TTYH1: variants seen among roughly 807,000 people sequenced by gnomAD.
TTYH1 encodes the protein tweety family member 1.
In TTYH1, 33 loss-of-function variants were observed where a neutral mutation model predicts 61.2. That is an observed-to-expected ratio of 0.54 (90% CI 0.41 to 0.72). The LOEUF (loss-of-function observed/expected upper bound fraction) is 0.72. Among genes scored for constraint, TTYH1 ranks in the 30% least tolerant of loss-of-function variants. The pLI is 0.00. For missense variants in TTYH1, 538 were observed against 575.8 expected (o/e 0.93, Z 0.67); for synonymous variants, 308 against 266.4 (o/e 1.16, Z -1.52).
At chr19:54,431,014 G>GT in intron 9 of TTYH1, 85 bp from the exon 10 acceptor site, 1 of 1,420,696 alleles carries the variant, frequency 7.0e-7, no homozygotes, top group South Asian at 1.2e-5. Context: ...GGGGCCTTGG[G>GT]TTGTGGGCGG....
Position 54,415,627 on chromosome 19 carries a change from G to T in TTYH1, c.75G>T (p.Gln25His), listed in dbSNP as rs1467563541. Reference sequence around the variant, plus strand: ...ACCAGCTGCCCCGCGCCGACTTCCAGCTCCGCCCGGTGCCCAGCGTTTTCG... The same window carrying T: ...ACCAGCTGCCCCGCGCCGACTTCCATCTCCGCCCGGTGCCCAGCGTTTTCG... The part of the protein sequence containing the change: ...LLHQLPRADF[Q>H]LRPVPSVFAP... Residue 25 changes from glutamine to histidine, a missense_variant, in exon 1 of 14, where the codon CAG becomes CAT. By Grantham distance (24) the Gln-to-His change is conservative. This residue lies in a region of TTYH1 where 157 missense variants were observed against 157.0 expected (regional missense o/e 1.00). Coordinates refer to ENST00000376530, the MANE Select transcript of TTYH1 (RefSeq NM_020659.4). The surrounding 1 kb of genome is among the most constrained non-coding windows in gnomAD (Gnocchi z 5.2). 11 of 1,566,364 alleles carry T rather than the reference G, an allele frequency of 7.0e-6. No individual in the cohort carries two copies. The highest frequency in any genetic ancestry group is 9.5e-6 in the Non-Finnish European group (11 of 1,163,688).
In TTYH1 at chr19:54,419,375, G is replaced by C. The variant is rs547324487; in HGVS notation, c.305+69G>C. 1.5e-5 allele frequency: 22 copies of C among 1,486,940 alleles called. No homozygotes were observed. Among genetic ancestry groups the C allele is most frequent in the South Asian group, 7.1e-5 (6 of 85,076 alleles). 92.1% of individuals were successfully genotyped at this position (1,486,940 alleles called of 1,614,324 possible). A position where few individuals can be genotyped will look rare whatever the true frequency, so the allele number is the denominator to read the frequency against. On this transcript the variant is annotated intron_variant, in intron 2 of 13. Coordinates refer to ENST00000376530, the MANE Select transcript of TTYH1 (RefSeq NM_020659.4). This position sits in a 1 kb window ranked among gnomAD's most constrained non-coding sequence, Gnocchi z 6.1. ...CCAAGCTCTTTGCTGGCCTTCCTGG[G>C]GGTGTCCTCCGGGGACATGGAGGAA...
rs369258936 is a variant in TTYH1, at chr19:54,431,079, G to T, written c.1033-20G>T. The T allele has an allele frequency of 8.1e-6, 13 of 1,596,906 alleles. No homozygotes were observed. Among genetic ancestry groups the T allele is most frequent in the Non-Finnish European group, 1.1e-5 (13 of 1,164,850 alleles). On this transcript the variant is annotated intron_variant, in intron 9 of 13. Coordinates refer to ENST00000376530, the MANE Select transcript of TTYH1 (RefSeq NM_020659.4). ...GGGCCTGAAGAGTTCGTGGGAAAAC[G>T]ACCCCTCCTCGCCCCGCAGAAGCCT...
At chr19:54,426,875 C>A in intron 5 of TTYH1, 107 bp downstream of exon 5, 3 of 953,152 alleles carry the variant, frequency 3.1e-6, no homozygotes, top group South Asian at 1.6e-5. Flanking sequence ...CCTTCACGGC[C>A]GGGTACACAC....
chr19:54,423,533 C>G (rs547274756), intron 4 of TTYH1, among the ~76,000 whole-genome samples: 1 of 152,166 alleles, frequency 6.6e-6, no homozygotes, highest in Non-Finnish European at 1.5e-5. Flanking sequence ...AACCTGAGCT[C>G]GAAAGCCAGC....
At position 54,419,983 on chromosome 19, in the gene TTYH1, T is replaced by A. The variant is rs2083173545; in HGVS notation, c.305+677T>A. 2.0e-5 allele frequency among the ~76,000 whole-genome samples: 3 copies of A among 151,990 alleles called. No homozygotes were observed. The highest frequency in any genetic ancestry group is 2.9e-5 in the Non-Finnish European group (2 of 67,988). On this transcript the variant is annotated intron_variant, in intron 2 of 13. Coordinates refer to ENST00000376530, the MANE Select transcript of TTYH1 (RefSeq NM_020659.4). This position sits in a 1 kb window ranked among gnomAD's most constrained non-coding sequence, Gnocchi z 6.1. The stretch of plus-strand genomic sequence containing the variant: ...ACAATAATGCTGCTGGATTCAGGGG[T>A]GTCAGGCCCAGTTTCCAAAGAGGAA...
chr19:54,435,414 C>T, intron 10 of TTYH1, 128 bp from the exon 11 acceptor site: 1 of 1,196,008 alleles, frequency 8.4e-7, no homozygotes, highest in Non-Finnish European at 1.2e-6. Flanking sequence ...ACAGGGGAAA[C>T]TGAGGCACAG....
intron 1 of TTYH1, among the ~76,000 whole-genome samples, 186 bp from the exon 2 acceptor site, chr19:54,418,942 A>G (rs576176629): frequency 6.6e-6 from 1 of 152,150 alleles, no homozygotes; most frequent in South Asian, 2.1e-4. Context: ...GCTGGCCCTG[A>G]CACCTGGAGC....
In TTYH1 at chr19:54,435,541, G is replaced by T; in HGVS notation, c.1126-1G>T. 1.3e-6 allele frequency: 2 copies of T among 1,596,956 alleles called. No individual in the cohort carries two copies. Among genetic ancestry groups the T allele is most frequent in the Non-Finnish European group, 1.7e-6 (2 of 1,174,342 alleles). On this transcript the variant is annotated splice_acceptor_variant, in intron 10 of 13. Coordinates refer to ENST00000376530, the MANE Select transcript of TTYH1 (RefSeq NM_020659.4). LOFTEE classifies it high-confidence loss of function. ...ATGGCCTGATGACGCCCTCCCCTCAGGACTATGGTGCAGCCCTGCGGGGCC... is the reference window on the plus strand; with the variant it reads ...ATGGCCTGATGACGCCCTCCCCTCATGACTATGGTGCAGCCCTGCGGGGCC...
In TTYH1 at chr19:54,436,349, C is replaced by T. The variant is rs139791484; in HGVS notation, c.*59C>T. The T allele has an allele frequency of 7.4e-5, 120 of 1,614,170 alleles. No individual in the cohort carries two copies. In the African/African-American group the frequency reaches 1.2e-3, roughly 16 times the overall value. On this transcript the variant is annotated 3_prime_UTR_variant, in exon 14 of 14. Coordinates refer to ENST00000376530, the MANE Select transcript of TTYH1 (RefSeq NM_020659.4). The surrounding 1 kb of genome is among the most constrained non-coding windows in gnomAD (Gnocchi z 4.3). Reference sequence around the variant, plus strand: ...TCTCCGCAGTTCCTTCCCTGGCTGCCGGAGGAGACCCCACTAACCCAGCCT... The same window carrying T: ...TCTCCGCAGTTCCTTCCCTGGCTGCTGGAGGAGACCCCACTAACCCAGCCT...
chr19:54,421,345 C>G lies in TTYH1; in HGVS notation c.374C>G (p.Ala125Gly). Residue 125 changes from alanine (A) to glycine (G), a missense_variant, in exon 3 of 14, where the codon GCG becomes GGG. By Grantham distance (60) the Ala-to-Gly change is moderately conservative. Transcript: ENST00000376530. This position sits in a 1 kb window ranked among gnomAD's most constrained non-coding sequence, Gnocchi z 4.8. ...TSDGVSQLSS[A>G]LLHANHTLST... ...GATGGGGTGTCCCAGCTCAGCTCTG[C>G]GCTGCTGCACGCCAACCACACACTC... is the stretch of plus-strand genomic sequence containing the variant. 6.2e-7 allele frequency: 1 copy of G among 1,613,672 alleles called. No homozygotes were observed. The highest frequency in any genetic ancestry group is 8.5e-7 in the Non-Finnish European group (1 of 1,179,690).
chr19:54,417,970 A>G (rs2083124021), intron 1 of TTYH1, among the ~76,000 whole-genome samples: 1 of 151,764 alleles, frequency 6.6e-6, no homozygotes, highest in Admixed American at 6.6e-5. Context: ...AAAAACATCC[A>G]GTCTCAACCA....
intron 5 of TTYH1, among the ~76,000 whole-genome samples, chr19:54,428,681 A>T (rs2083376938): frequency 6.6e-6 from 1 of 152,144 alleles, no homozygotes; most frequent in South Asian, 2.1e-4. Context: ...TGGTGGGGTG[A>T]GGCAGAGTTG....
At position 54,415,690 on chromosome 19, in the gene TTYH1, CGCCAGGGCCTGGGG is replaced by C. The variant is rs2083061704; in HGVS notation, c.126+21_126+34del. 2.6e-6 allele frequency: 4 copies of C among 1,539,616 alleles called. No homozygotes were observed. Among genetic ancestry groups the C allele is most frequent in the African/African-American group, 2.7e-5 (2 of 72,782 alleles). ...AGGAATACCAGCAGGTGGGACCGGGCGCCAGGGCCTGGGGGCCAGGGCTGGGGGCCGGAGCTCCT... is the reference window on the plus strand; with the variant it reads ...AGGAATACCAGCAGGTGGGACCGGGCGCCAGGGCTGGGGGCCGGAGCTCCT... On this transcript the variant is annotated intron_variant, in intron 1 of 13. Transcript: ENST00000376530. The surrounding 1 kb of genome is among the most constrained non-coding windows in gnomAD (Gnocchi z 5.2).
intron 4 of TTYH1, among the ~76,000 whole-genome samples, chr19:54,424,530 A>T (rs1749545793): frequency 6.6e-6 from 1 of 152,218 alleles, no homozygotes; most frequent in African/African-American, 2.4e-5. Context: ...GGTTTGAAGA[A>T]GTCCAGGTTC....
At chr19:54,428,490 T>A (rs1279390409) in intron 5 of TTYH1, among the ~76,000 whole-genome samples, 2 of 152,016 alleles carry the variant, frequency 1.3e-5, no homozygotes, top group East Asian at 3.9e-4. Context: ...CCTTCCAAAG[T>A]ACTGGGTTTA....
Position 54,429,910 on chromosome 19 carries a change from ACCCT to A in TTYH1, c.837_840del (p.Pro280MetfsTer3). The A allele has an allele frequency of 6.2e-7, 1 of 1,613,932 alleles. No individual in the cohort carries two copies. Among genetic ancestry groups the A allele is most frequent in the Non-Finnish European group, 8.5e-7 (1 of 1,179,892 alleles). On this transcript the variant is annotated frameshift_variant, in exon 7 of 14. Coordinates refer to ENST00000376530, the MANE Select transcript of TTYH1 (RefSeq NM_020659.4). LOFTEE classifies it high-confidence loss of function. This position sits in a 1 kb window ranked among gnomAD's most constrained non-coding sequence, Gnocchi z 5.1. ...CTCAGTGACTTCTGCTCCAATCCAGACCCTTATGTTCTGAACCTGACCCAGGAGG... is the reference window on the plus strand; with the variant it reads ...CTCAGTGACTTCTGCTCCAATCCAGATATGTTCTGAACCTGACCCAGGAGG...
Position 54,431,188 on chromosome 19 carries a change from C to T in TTYH1, c.1122C>T (p.His374=). The change falls in exon 10 of 14, where the codon CAC becomes CAT. Residue 374 remains histidine (H), a synonymous_variant. Transcript: ENST00000376530. ...CACTGCTACACTGCCGCAGCCTGCA[C>T]AAGGTGAAGCCCCTCCCCTCCCAAT... The part of the protein sequence containing the change: ...LVALLHCRSL[H]KDYGAALRGL... The T allele has an allele frequency of 1.9e-6, 3 of 1,612,060 alleles. No individual in the cohort carries two copies. The highest frequency in any genetic ancestry group is 2.5e-6 in the Non-Finnish European group (3 of 1,178,230).
chr19:54,432,317 A>C (rs1348099876), intron 10 of TTYH1: 1 of 152,300 alleles, frequency 6.6e-6, no homozygotes, highest in Non-Finnish European at 1.5e-5. Context: ...TCACATGTGC[A>C]TAGCTTCACC....
Sources: allele counts gnomAD v4.1 joint callset (sites outside exome capture counted in the v4.1 genomes callset), GRCh38; gene constraint gnomAD v4.1.1; regional missense constraint gnomAD v4.1.1; non-coding constraint Gnocchi (gnomAD v3.1); transcripts MANE v1.5; gene names NCBI Gene and HGNC (gene_info 2026-07-23, HGNC 2026-07-21).